PKD1: variants seen among roughly 807,000 people sequenced by gnomAD.
PKD1 encodes the protein polycystin-1.
Under a neutral mutation model 361.7 loss-of-function variants are expected in PKD1, and 81 were observed. The observed-to-expected ratio is 0.22, with a 90% CI of 0.19 to 0.27. The LOEUF is 0.27. Among genes scored for constraint, PKD1 ranks in the 10% least tolerant of loss-of-function variants. The pLI, the probability that PKD1 is intolerant of heterozygous loss-of-function variation, is 1.00. For synonymous variants in PKD1, 3,615 were observed against 2,818.3 expected (o/e 1.28, Z -8.95); for missense variants, 6,399 against 6,118.3 (o/e 1.05, Z -1.53).
At chr16:2,121,928 G>T (rs2092727260) in intron 1 of PKD1, among the ~76,000 whole-genome samples, 1 of 152,222 alleles carries the variant, frequency 6.6e-6, no homozygotes, top group South Asian at 2.1e-4. Context: ...CCCCAAGCCG[G>T]GGCGGCCTCC....
chr16:2,108,389 T>C lies in PKD1; in HGVS notation c.6778A>G (p.Ile2260Val), dbSNP rs1251817986. ...TVAPERLVPI[I>V]EGGSYRVWSD... ...CACACGCGGTATGAGCCACCCTCAA[T>C]GATGGGCACCAGGCGCTCGGGGGCC... Residue 2260 changes from isoleucine to valine, a missense_variant, in exon 15 of 46, where the codon ATT becomes GTT. By Grantham distance (29) the Ile-to-Val change is conservative. Coordinates refer to ENST00000262304, the MANE Select transcript of PKD1 (RefSeq NM_001009944.3). 1 of 1,610,550 alleles carries C rather than the reference T, an allele frequency of 6.2e-7. No individual in the cohort carries two copies. Among genetic ancestry groups the C allele is most frequent in the African/African-American group, 1.3e-5 (1 of 74,974 alleles).
At chr16:2,098,552 T>C (rs1213286438) in intron 30 of PKD1, among the ~76,000 whole-genome samples, 5 of 146,222 alleles carry the variant, frequency 3.4e-5, no homozygotes, top group Non-Finnish European at 7.4e-5. Context: ...CAGCCACATG[T>C]GGCCTCTGGT....
At position 2,110,303 on chromosome 16, in the gene PKD1, C is replaced by T. The variant is rs1195929913; in HGVS notation, c.4864G>A (p.Asp1622Asn). The T allele has an allele frequency of 5.6e-6, 9 of 1,612,648 alleles. No individual in the cohort carries two copies. The highest frequency in any genetic ancestry group is 5.9e-6 in the Non-Finnish European group (7 of 1,179,852). ...TGCAGGACATAGACGAAGATGCTGTCCTGGGCGGAGCCCACCTCGTTCTCA... is the reference window on the plus strand; with the variant it reads ...TGCAGGACATAGACGAAGATGCTGTTCTGGGCGGAGCCCACCTCGTTCTCA... ...TAENEVGSAQDSIFVYVLQLI... is the reference protein window; with the variant it reads ...TAENEVGSAQNSIFVYVLQLI... The change falls in exon 15 of 46, where the codon GAC (aspartate) becomes AAC (asparagine). Residue 1622 changes from aspartate (D) to asparagine (N), a missense_variant. Transcript: ENST00000262304.
chr16:2,112,071 G>A (rs1365758064), intron 14 of PKD1, among the ~76,000 whole-genome samples, 200 bp from the exon 15 acceptor site: 5 of 152,222 alleles, frequency 3.3e-5, no homozygotes, highest in African/African-American at 7.2e-5. Flanking sequence ...GGACGGCACC[G>A]CCTCCAAGTG....
intron 23 of PKD1, 127 bp downstream of exon 23, chr16:2,103,134 TGGCCA>T: frequency 7.6e-7 from 1 of 1,317,800 alleles, no homozygotes; most frequent in South Asian, 1.2e-5. Context: ...AGCTCCTCTC[TGGCCA>T]GGCCCCCAGC....
rs77604661 is a variant in PKD1 at position 2,098,640 on chromosome 16, C to T, written c.10051-656G>A. ...TCTGTGTGCTGCTGGGGTTAGTTTG[C>T]ATGTAACCTCTTGAGGACCCCACGT... On this transcript the variant is annotated intron_variant, in intron 30 of 45. Transcript: ENST00000262304. Among the ~76,000 whole-genome samples, 27 of 144,452 alleles carry T rather than the reference C, an allele frequency of 1.9e-4. No homozygotes were observed. In the East Asian group the frequency reaches 4.9e-3, roughly 26 times the overall value. 94.8% of individuals were successfully genotyped at this position (144,452 alleles called of 152,430 possible).
At chr16:2,092,787 A>G in intron 38 of PKD1, 167 bp downstream of exon 38, 1 of 894,686 alleles carries the variant, frequency 1.1e-6, no homozygotes, top group Non-Finnish European at 1.8e-6. Context: ...GCACTGCAAG[A>G]CACGGACCTG....
Position 2,135,870 on chromosome 16 carries a change from C to A in PKD1, c.-181G>T, listed in dbSNP as rs1398981896. On this transcript the variant is annotated 5_prime_UTR_variant, in exon 1 of 46. Coordinates refer to ENST00000262304, the MANE Select transcript of PKD1 (RefSeq NM_001009944.3). ...GGCCAGGCCGCTCCGGGAGCTCGGC[C>A]GCCCGCTCGGACGCTGGCGCTGCAG... 4.4e-6 allele frequency: 1 copy of A among 228,970 alleles called. No individual in the cohort carries two copies. Among genetic ancestry groups the A allele is most frequent in the Admixed American group, 6.6e-5 (1 of 15,112 alleles). The allele number at this position is 228,970 out of a possible 1,614,324, so 14.2% of individuals were successfully genotyped here.
intron 1 of PKD1, among the ~76,000 whole-genome samples, chr16:2,128,903 G>C (rs1180240959): frequency 1.3e-5 from 2 of 151,164 alleles, no homozygotes; most frequent in Non-Finnish European, 2.9e-5. Context: ...TCGCTCTGTT[G>C]ACCAGGCTAG....
rs544427622 is a variant in PKD1, at chr16:2,108,806, G to T, written c.6361C>A (p.Arg2121Ser). 1.3e-6 allele frequency: 2 copies of T among 1,568,476 alleles called. No individual in the cohort carries two copies. The highest frequency in any genetic ancestry group is 4.8e-5 in the East Asian group (2 of 42,088). The change falls in exon 15 of 46, where the codon CGC (arginine) becomes AGC (serine). Residue 2121 changes from arginine (R) to serine (S), a missense_variant. Physicochemically the swap from Arg to Ser is moderately radical, Grantham distance 110. Coordinates refer to ENST00000262304, the MANE Select transcript of PKD1 (RefSeq NM_001009944.3). ...AGGTTGGAGGCGTTCACCTGCACGC[G>T]GTAGTCCCCAGGCCTCAGGTAGGAG... ...EHSYLRPGDY[R>S]VQVNASNLVS...
chr16:2,095,155 A>T (rs1204547138), intron 34 of PKD1: 1 of 149,494 alleles, frequency 6.7e-6, no homozygotes, highest in African/African-American at 2.6e-5. Context: ...CACGCCTGTA[A>T]TCTCAGCATT....
At position 2,109,276 on chromosome 16, in the gene PKD1, C is replaced by G; in HGVS notation, c.5891G>C (p.Arg1964Pro). The G allele has an allele frequency of 5.1e-6, 8 of 1,583,166 alleles. No individual in the cohort carries two copies. The highest frequency in any genetic ancestry group is 6.9e-6 in the Non-Finnish European group (8 of 1,166,088). The change falls in exon 15 of 46, where the codon CGC becomes CCC. Residue 1964 changes from arginine (R) to proline (P), a missense_variant. By Grantham distance (103) the Arg-to-Pro change is moderately radical. Coordinates refer to ENST00000262304, the MANE Select transcript of PKD1 (RefSeq NM_001009944.3). ...ACTCACGGCCTCCAGCACCACGATG[C>G]GCACCTGCGCCTGGGCCCAGCTCAC... The part of the protein sequence containing the change: ...NHVSWAQAQV[R>P]IVVLEAVSGL...
At chr16:2,117,176 C>G (rs2092651365) in intron 6 of PKD1, 123 bp from the exon 7 acceptor site, 2 of 668,926 alleles carry the variant, frequency 3.0e-6, no homozygotes, top group East Asian at 2.7e-5. Flanking sequence ...AGGCTCAGAG[C>G]CCGGAGACCA....
chr16:2,095,860 G>T (rs558253621), intron 34 of PKD1, among the ~76,000 whole-genome samples: 7 of 152,336 alleles, frequency 4.6e-5, no homozygotes, highest in Non-Finnish European at 7.3e-5. Context: ...TTGGGCCGGA[G>T]ATACCTGGGG....
rs1159588670 is a variant in PKD1, at chr16:2,114,919, G to A, written c.2104C>T (p.Leu702Phe). ...AGCATGAGGACATCCTGGCCGTGGAGGGTGACCTGTGGAGAGGGAGGCAGG... is the reference window on the plus strand; with the variant it reads ...AGCATGAGGACATCCTGGCCGTGGAAGGTGACCTGTGGAGAGGGAGGCAGG... ...AGPPAQYSVT[L>F]HGQDVLMLPG... The change falls in exon 11 of 46, where the codon CTC becomes TTC. Residue 702 changes from leucine (L) to phenylalanine (F), a missense_variant. Leu to Phe is a conservative substitution (Grantham distance 22). Coordinates refer to ENST00000262304, the MANE Select transcript of PKD1 (RefSeq NM_001009944.3). 2.0e-6 allele frequency: 3 copies of A among 1,530,802 alleles called. No homozygotes were observed. Among genetic ancestry groups the A allele is most frequent in the Admixed American group, 3.9e-5 (2 of 51,408 alleles). 94.8% of individuals were successfully genotyped at this position (1,530,802 alleles called of 1,614,324 possible). A position where few individuals can be genotyped will look rare whatever the true frequency, so the allele number is the denominator to read the frequency against.
At chr16:2,091,371 G>C in intron 42 of PKD1, 52 bp downstream of exon 42, 4 of 1,023,752 alleles carry the variant, frequency 3.9e-6, no homozygotes, top group Non-Finnish European at 3.6e-6. Context: ...CCCCGCGAGG[G>C]GGCGGGACGC....
intron 22 of PKD1, among the ~76,000 whole-genome samples, chr16:2,104,181 A>AT (rs1194023329): frequency 7.2e-5 from 1 of 13,884 alleles, no homozygotes; most frequent in Admixed American, 6.7e-4. Context: ...GAGCAGGGGG[A>AT]AAGGGAGGGG....
In PKD1 at chr16:2,110,499, G is replaced by C. The variant is rs1273346865; in HGVS notation, c.4668C>G (p.Ser1556Arg). The C allele has an allele frequency of 1.9e-6, 3 of 1,612,304 alleles. No individual in the cohort carries two copies. Among genetic ancestry groups the C allele is most frequent in the Non-Finnish European group, 2.5e-6 (3 of 1,179,830 alleles). The change falls in exon 15 of 46, where the codon AGC becomes AGG. Residue 1556 changes from serine to arginine, a missense_variant. Ser to Arg is a moderately radical substitution (Grantham distance 110). Coordinates refer to ENST00000262304, the MANE Select transcript of PKD1 (RefSeq NM_001009944.3). Reference sequence around the variant, plus strand: ...TCCCATTCAGGGGCACCACCGTGCGGCTTGCATTGACGACGAGCCCCCGCA... The same window carrying C: ...TCCCATTCAGGGGCACCACCGTGCGCCTTGCATTGACGACGAGCCCCCGCA... ...RRVRGLVVNA[S>R]RTVVPLNGSV... is the part of the protein sequence containing the mutation.
chr16:2,110,413 C>T lies in PKD1; in HGVS notation c.4754G>A (p.Cys1585Tyr). Residue 1585 changes from cysteine (C) to tyrosine (Y), a missense_variant, in exon 15 of 46, where the codon TGT becomes TAT. Physicochemically the swap from Cys to Tyr is radical, Grantham distance 194 (BLOSUM62 -2). Coordinates refer to ENST00000262304, the MANE Select transcript of PKD1 (RefSeq NM_001009944.3). ...CCCAGGGATGGGCGTGCAGCGGTCACAGAGCACCCAGGAATAGCGCACATC... is the reference window on the plus strand; with the variant it reads ...CCCAGGGATGGGCGTGCAGCGGTCATAGAGCACCCAGGAATAGCGCACATC... The part of the protein sequence containing the change: ...GSDVRYSWVL[C>Y]DRCTPIPGGP... The T allele has an allele frequency of 6.2e-7, 1 of 1,612,642 alleles. No individual in the cohort carries two copies. The highest frequency in any genetic ancestry group is 8.5e-7 in the Non-Finnish European group (1 of 1,179,852).
Sources: gnomAD v4.1 joint callset for allele counts (sites outside exome capture counted in the v4.1 genomes callset) on GRCh38, gnomAD v4.1.1 for gene constraint, MANE v1.5 for transcripts, NCBI Gene and HGNC (gene_info 2026-07-23, HGNC 2026-07-21) for gene names.